The following MYH11 variants were observed in gnomAD, a reference collection of about 807,000 sequenced individuals.
The protein encoded by MYH11 is myosin heavy chain 11.
Under a neutral mutation model 246.6 loss-of-function variants are expected in MYH11, and 80 were observed. The ratio of observed to expected loss-of-function variants is 0.32; its 90% CI spans 0.27 to 0.39. MYH11 has a LOEUF of 0.39. Among genes scored for constraint, MYH11 ranks in the 10% least tolerant of loss-of-function variants. The probability of loss-of-function intolerance (pLI) is 1.00; values close to 1 mark genes in which losing one functional copy is unlikely to be tolerated. For missense variants in MYH11, 2,158 were observed against 2,546.8 expected (o/e 0.85, Z 3.29); for synonymous variants, 1,071 against 1,015.5 (o/e 1.05, Z -1.04).
chr16:15,744,996 A>G (rs2041378010), intron 20 of MYH11, 133 bp downstream of exon 20: 1 of 737,066 alleles, frequency 1.4e-6, no homozygotes, highest in Non-Finnish European at 2.4e-6. Flanking sequence ...AGAACCGCCA[A>G]TGCTCAAGGT....
At chr16:15,751,761 C>A (rs576023839) in intron 15 of MYH11, among the ~76,000 whole-genome samples, 341 of 151,444 alleles carry the variant, frequency 2.3e-3, no homozygotes, top group Non-Finnish European at 3.5e-3. Context: ...TACAGGCACC[C>A]ACCAGCACAC....
chr16:15,769,107 G>C (rs953569041), intron 9 of MYH11, among the ~76,000 whole-genome samples: 1 of 152,200 alleles, frequency 6.6e-6, no homozygotes, highest in African/African-American at 2.4e-5. Flanking sequence ...GAGGTCAGGA[G>C]TTTAAGACCA....
chr16:15,771,993 G>A (rs1008379220), intron 8 of MYH11, among the ~76,000 whole-genome samples: 2 of 151,798 alleles, frequency 1.3e-5, no homozygotes, highest in African/African-American at 2.4e-5. Context: ...ACATTTACCT[G>A]GAGGAAGGGA....
At chr16:15,720,692 C>G (rs2040419642) in intron 33 of MYH11, 147 bp downstream of exon 33, 3 of 894,568 alleles carry the variant, frequency 3.4e-6, no homozygotes, top group Non-Finnish European at 3.5e-6. Context: ...GAGATTACGC[C>G]ACTGCACTCC....
intron 3 of MYH11, among the ~76,000 whole-genome samples, chr16:15,808,152 C>T (rs1381852879): frequency 6.6e-6 from 1 of 152,198 alleles, no homozygotes; most frequent in Non-Finnish European, 1.5e-5. Flanking sequence ...TACCTAATGC[C>T]CCGCACGGAG....
chr16:15,716,762 C>T (rs2040172571), intron 38 of MYH11, among the ~76,000 whole-genome samples: 1 of 152,224 alleles, frequency 6.6e-6, no homozygotes, highest in Non-Finnish European at 1.5e-5. Context: ...GATCCACCTG[C>T]CTCAGCCTCC....
In MYH11 at chr16:15,747,928, C is replaced by T. The variant is rs199961254; in HGVS notation, c.2196G>A (p.Ala732=). 39 of 1,614,010 alleles carry T rather than the reference C, an allele frequency of 2.4e-5. No individual in the cohort carries two copies. Among genetic ancestry groups the T allele is most frequent in the East Asian group, 1.1e-4 (5 of 44,864 alleles). ...QEFRQRYEIL[A]ANAIPKGFMD... is the part of the protein sequence containing the mutation. ...TGAAGCCTTTGGGGATGGCATTCGCCGCCAGGATCTCGTAGCTTGAAACAC... is the reference window on the plus strand; with the variant it reads ...TGAAGCCTTTGGGGATGGCATTCGCTGCCAGGATCTCGTAGCTTGAAACAC... Residue 732 remains alanine (A), a synonymous_variant, in exon 18 of 41, where the codon GCG becomes GCA. Coordinates refer to ENST00000300036, the MANE Select transcript of MYH11 (RefSeq NM_002474.3).
rs961330442 is a variant in MYH11 at position 15,728,932 on chromosome 16, G to A, written c.3652-1878C>T. On this transcript the variant is annotated intron_variant, in intron 27 of 40. Coordinates refer to ENST00000300036, the MANE Select transcript of MYH11 (RefSeq NM_002474.3). ...AAAGCGTGTTGGGCAAAAGTAGGAC[G>A]CGGTGAGGGGCTTCTTTCCAGGTTG... 2.0e-5 allele frequency among the ~76,000 whole-genome samples: 3 copies of A among 151,952 alleles called. No homozygotes were observed. The East Asian group carries it at 5.8e-4, about 29-fold the overall frequency.
chr16:15,820,166 AGCCC>A (rs2043369198), intron 3 of MYH11, among the ~76,000 whole-genome samples: 4 of 152,186 alleles, frequency 2.6e-5, no homozygotes, highest in Non-Finnish European at 5.9e-5. Flanking sequence ...AACATGGTAA[AGCCC>A]CATCTCTACT....
At chr16:15,790,288 G>A (rs1033379241) in intron 4 of MYH11, among the ~76,000 whole-genome samples, 4 of 151,644 alleles carry the variant, frequency 2.6e-5, no homozygotes, top group African/African-American at 9.7e-5. Flanking sequence ...CTGGGCAATA[G>A]AATGAGACTC....
intron 3 of MYH11, among the ~76,000 whole-genome samples, chr16:15,807,051 C>T (rs1198622063): frequency 6.6e-6 from 1 of 152,108 alleles, no homozygotes; most frequent in Non-Finnish European, 1.5e-5. Context: ...CAGTCTGGAA[C>T]TCCTGGGCTA....
At chr16:15,751,382 C>T (rs921777767) in intron 15 of MYH11, among the ~76,000 whole-genome samples, 1 of 151,686 alleles carries the variant, frequency 6.6e-6, no homozygotes, top group African/African-American at 2.4e-5. Context: ...AGGCTGGTCT[C>T]GAACTCCTGA....
intron 2 of MYH11, among the ~76,000 whole-genome samples, chr16:15,831,676 T>C (rs1044317467): frequency 6.6e-6 from 1 of 152,102 alleles, no homozygotes; most frequent in Non-Finnish European, 1.5e-5. Context: ...CAGTGGCTCA[T>C]GCCTGTAATC....
chr16:15,724,728 C>T lies in MYH11; in HGVS notation c.4035G>A (p.Arg1345=), dbSNP rs1060504019. The T allele has an allele frequency of 1.2e-6, 2 of 1,614,162 alleles. No homozygotes were observed. Among genetic ancestry groups the T allele is most frequent in the Non-Finnish European group, 8.5e-7 (1 of 1,180,024 alleles). ...STKLRQLEEE[R]NSLQDQLDEE... is the part of the protein sequence containing the mutation. ...CGTCCAGCTGGTCTTGCAGGCTGTT[C>T]CGCTCCTCCTCCAGCTGGCGCAGCT... Residue 1345 remains arginine, a synonymous_variant, in exon 30 of 41, where the codon CGG becomes CGA. Coordinates refer to ENST00000300036, the MANE Select transcript of MYH11 (RefSeq NM_002474.3).
intron 37 of MYH11, 137 bp downstream of exon 37, chr16:15,718,170 TCTCTACTC>T: frequency 7.8e-7 from 1 of 1,289,268 alleles, no homozygotes; most frequent in Non-Finnish European, 1.1e-6. Flanking sequence ...GGGCCCTGGA[TCTCTACTC>T]TCAGGCCCCA....
intron 23 of MYH11, among the ~76,000 whole-genome samples, chr16:15,739,104 C>CT (rs764928194): frequency 0.03 from 4,350 of 144,862 alleles, 108 homozygotes; most frequent in African/African-American, 0.066. Flanking sequence ...CTGCTGTATT[C>CT]TTTTTTTTTT....
intron 2 of MYH11, among the ~76,000 whole-genome samples, chr16:15,830,918 T>C (rs1366333622): frequency 6.6e-6 from 1 of 151,814 alleles, no homozygotes; most frequent in Non-Finnish European, 1.5e-5. Context: ...AAGCCTGTAA[T>C]CCCAGCACCT....
At chr16:15,830,501 A>G (rs888511898) in intron 2 of MYH11, among the ~76,000 whole-genome samples, 1 of 152,122 alleles carries the variant, frequency 6.6e-6, no homozygotes, top group Non-Finnish European at 1.5e-5. Flanking sequence ...AGATGCAAAG[A>G]TTGAGACGCA....
At chr16:15,833,881 T>C (rs752074296) in intron 2 of MYH11, among the ~76,000 whole-genome samples, 1 of 152,176 alleles carries the variant, frequency 6.6e-6, no homozygotes, top group Non-Finnish European at 1.5e-5. Flanking sequence ...TTCTCCGTCA[T>C]GGACGACGGT....
Sources: allele counts gnomAD v4.1 joint callset (sites outside exome capture counted in the v4.1 genomes callset), GRCh38; gene constraint gnomAD v4.1.1; transcripts MANE v1.5; gene names NCBI Gene and HGNC (gene_info 2026-07-23, HGNC 2026-07-21).